ARHGAP20: variants seen among roughly 807,000 people sequenced by gnomAD.
ARHGAP20 encodes Rho GTPase activating protein 20, also known as rho GTPase-activating protein 20.
A neutral mutation model predicts 73.7 loss-of-function variants in ARHGAP20; 34 were observed. The ratio of observed to expected loss-of-function variants is 0.46; its 90% CI spans 0.35 to 0.61. ARHGAP20 has a LOEUF of 0.61. Among genes scored for constraint, ARHGAP20 ranks in the 20% least tolerant of loss-of-function variants. ARHGAP20 has a pLI of 0.00. For synonymous variants in ARHGAP20, 523 were observed against 518.2 expected (o/e 1.01, Z -0.13); for missense variants, 1,314 against 1,420.9 (o/e 0.92, Z 1.21).
intron 2 of ARHGAP20, among the ~76,000 whole-genome samples, chr11:110,649,133 G>T (rs1419359597): frequency 6.8e-6 from 1 of 147,950 alleles, no homozygotes; most frequent in Non-Finnish European, 1.5e-5. Flanking sequence ...AAAAGCTTTA[G>T]ATGACTTTTA....
chr11:110,593,470 A>G (rs574593845), intron 9 of ARHGAP20, among the ~76,000 whole-genome samples: 1 of 152,232 alleles, frequency 6.6e-6, no homozygotes, highest in Non-Finnish European at 1.5e-5. Context: ...TGAAGGCACT[A>G]AAGAGTGAGC....
At chr11:110,592,397 A>G (rs1228199674) in intron 9 of ARHGAP20, among the ~76,000 whole-genome samples, 1 of 152,200 alleles carries the variant, frequency 6.6e-6, no homozygotes, top group East Asian at 1.9e-4. Flanking sequence ...GTTTTTGGAC[A>G]TCACTGGTCT....
At chr11:110,584,923 A>G (rs1376284949) in intron 12 of ARHGAP20, among the ~76,000 whole-genome samples, 3 of 146,370 alleles carry the variant, frequency 2.0e-5, no homozygotes, top group African/African-American at 5.0e-5. Context: ...ATATGAATAT[A>G]TATGTGAATA....
intron 1 of ARHGAP20, among the ~76,000 whole-genome samples, chr11:110,692,555 GA>G (rs1308969901): frequency 6.6e-6 from 1 of 152,024 alleles, no homozygotes; most frequent in Non-Finnish European, 1.5e-5. Flanking sequence ...CTAACCTTCT[GA>G]AATCACTGTC....
intron 11 of ARHGAP20, chr11:110,589,370 T>A (rs1947762454): frequency 1.0e-6 from 1 of 981,374 alleles, no homozygotes; most frequent in Non-Finnish European, 1.2e-6. Flanking sequence ...GGCTTATTTA[T>A]CCAGAAACAT....
At chr11:110,656,920 T>A (rs144429273) in intron 2 of ARHGAP20, among the ~76,000 whole-genome samples, 3 of 152,294 alleles carry the variant, frequency 2.0e-5, no homozygotes, top group African/African-American at 4.8e-5. Flanking sequence ...TTGATTTCTT[T>A]TTACCCATTT....
intron 1 of ARHGAP20, among the ~76,000 whole-genome samples, chr11:110,701,236 A>C (rs908310281): frequency 3.3e-4 from 50 of 151,460 alleles, no homozygotes; most frequent in South Asian, 2.3e-3. Flanking sequence ...TCCACATCCT[A>C]TCCAGCACCT....
At position 110,588,477 on chromosome 11, in the gene ARHGAP20, CAAG is replaced by C. The variant is rs1947731925; in HGVS notation, c.1306-2155_1306-2153del. 1.3e-5 allele frequency among the ~76,000 whole-genome samples: 2 copies of C among 152,116 alleles called. 1 individual carries two copies. The highest frequency in any genetic ancestry group is 4.1e-4 in the South Asian group (2 of 4,830). ...TACCACTTCAAAACAGATTCAAAAACAAGAAATAAAACAAAAGCTTAAGAACTT... is the reference window on the plus strand; with the variant it reads ...TACCACTTCAAAACAGATTCAAAAACAAATAAAACAAAAGCTTAAGAACTT... On this transcript the variant is annotated intron_variant, in intron 11 of 14. Transcript: ENST00000683387.
intron 4 of ARHGAP20, among the ~76,000 whole-genome samples, chr11:110,619,338 G>A (rs1424008711): frequency 2.7e-5 from 4 of 150,078 alleles, no homozygotes; most frequent in Admixed American, 2.0e-4. Context: ...TAGGGTATAT[G>A]CAGTGATAGA....
At chr11:110,635,753 G>T (rs1336599760) in intron 2 of ARHGAP20, among the ~76,000 whole-genome samples, 1 of 151,668 alleles carries the variant, frequency 6.6e-6, no homozygotes, top group Non-Finnish European at 1.5e-5. Context: ...TTGGAATTAA[G>T]CAGAGAACAA....
intron 2 of ARHGAP20, among the ~76,000 whole-genome samples, chr11:110,645,272 A>G (rs1335971683): frequency 6.6e-6 from 1 of 152,208 alleles, no homozygotes; most frequent in East Asian, 1.9e-4. Flanking sequence ...GCCTCCCAAC[A>G]GTGCTGGGAT....
At position 110,712,353 on chromosome 11, in the gene ARHGAP20, C is replaced by T; in HGVS notation, c.-122G>A. 1.3e-6 allele frequency: 1 copy of T among 775,320 alleles called. No individual in the cohort carries two copies. The highest frequency in any genetic ancestry group is 1.8e-6 in the Non-Finnish European group (1 of 565,622). 48.0% of individuals were successfully genotyped at this position (775,320 alleles called of 1,614,324 possible). Reference sequence around the variant, plus strand: ...GCGGCTGCCGTGCTCAGGCAGGGAGCCGAGCTCCGGGTGCTCGCCGCGCGC... The same window carrying T: ...GCGGCTGCCGTGCTCAGGCAGGGAGTCGAGCTCCGGGTGCTCGCCGCGCGC... On this transcript the variant is annotated 5_prime_UTR_variant, in exon 1 of 15. Transcript: ENST00000683387.
intron 2 of ARHGAP20, among the ~76,000 whole-genome samples, chr11:110,670,749 A>G (rs949639086): frequency 6.6e-6 from 1 of 152,064 alleles, no homozygotes; most frequent in Non-Finnish European, 1.5e-5. Flanking sequence ...ACAGATCTCT[A>G]TCTCTCATGA....
chr11:110,580,668 T>G lies in ARHGAP20; in HGVS notation c.2278A>C (p.Ser760Arg). 1.2e-6 allele frequency: 2 copies of G among 1,614,156 alleles called. No individual in the cohort carries two copies. Among genetic ancestry groups the G allele is most frequent in the Non-Finnish European group, 1.7e-6 (2 of 1,180,008 alleles). ...QEEGKTCFKQSLVTGTDVSKK... is the reference protein window; with the variant it reads ...QEEGKTCFKQRLVTGTDVSKK... ...CTGACATCAGTGCCTGTGACTAAACTCTGTTTAAAACATGTCTTTCCTTCC... is the reference window on the plus strand; with the variant it reads ...CTGACATCAGTGCCTGTGACTAAACGCTGTTTAAAACATGTCTTTCCTTCC... Residue 760 changes from serine (S) to arginine (R), a missense_variant, in exon 15 of 15, where the codon AGT becomes CGT. Coordinates refer to ENST00000683387, the MANE Select transcript of ARHGAP20 (RefSeq NM_001384657.1).
intron 3 of ARHGAP20, among the ~76,000 whole-genome samples, chr11:110,627,620 A>G (rs990161226): frequency 6.6e-6 from 1 of 152,154 alleles, no homozygotes; most frequent in African/African-American, 2.4e-5. Context: ...TGGTAATTCT[A>G]TTAATAAATT....
intron 2 of ARHGAP20, among the ~76,000 whole-genome samples, chr11:110,656,058 C>T (rs1949459637): frequency 6.6e-6 from 1 of 152,138 alleles, no homozygotes; most frequent in Non-Finnish European, 1.5e-5. Context: ...AAAGCAGGGG[C>T]CTTAGTGTGT....
chr11:110,698,747 T>C (rs918999394), intron 1 of ARHGAP20, among the ~76,000 whole-genome samples: 8 of 151,992 alleles, frequency 5.3e-5, no homozygotes, highest in African/African-American at 1.9e-4. Context: ...TGTATCTCTA[T>C]GTTATCAATT....
chr11:110,646,846 T>A (rs893417156), intron 2 of ARHGAP20, among the ~76,000 whole-genome samples: 9 of 151,682 alleles, frequency 5.9e-5, no homozygotes, highest in Non-Finnish European at 5.9e-5. Flanking sequence ...ACCTTCTGAG[T>A]GAGATAGGAA....
At chr11:110,711,515 T>G in intron 1 of ARHGAP20, 1 of 986,270 alleles carries the variant, frequency 1.0e-6, no homozygotes, top group Non-Finnish European at 1.3e-6. Flanking sequence ...GACCCCCACC[T>G]GGGAGACCCG....
Sources: gnomAD v4.1 joint callset for allele counts (sites outside exome capture counted in the v4.1 genomes callset) on GRCh38, gnomAD v4.1.1 for gene constraint, MANE v1.5 for transcripts, NCBI Gene and HGNC (gene_info 2026-07-23, HGNC 2026-07-21) for gene names.